ABCA13: variants seen among roughly 807,000 people sequenced by gnomAD.
ABCA13 encodes the protein ATP-binding cassette sub-family A member 13.
A neutral mutation model predicts 478.7 loss-of-function variants in ABCA13; 476 were observed. The ratio of observed to expected loss-of-function variants is 0.99; its 90% CI spans 0.92 to 1.07. The LOEUF is 1.07. ABCA13 is among the 50% of genes least tolerant of loss of function. The probability of loss-of-function intolerance (pLI) is 0.00; values close to 1 mark genes in which losing one functional copy is unlikely to be tolerated. For missense variants in ABCA13, 6,060 were observed against 5,910.6 expected (o/e 1.03, Z -0.83); for synonymous variants, 2,252 against 2,158.9 (o/e 1.04, Z -1.20).
chr7:48,433,588 A>G (rs1822437846), intron 42 of ABCA13, among the ~76,000 whole-genome samples: 1 of 151,820 alleles, frequency 6.6e-6, no homozygotes, highest in Non-Finnish European at 1.5e-5. Flanking sequence ...CATTACGCAC[A>G]TTCACATTAT....
At chr7:48,420,187 G>A (rs145095482) in intron 41 of ABCA13, among the ~76,000 whole-genome samples, 4 of 152,186 alleles carry the variant, frequency 2.6e-5, no homozygotes, top group Admixed American at 2.0e-4. Context: ...GAGCTCTTCA[G>A]CTAAAAAGCA....
At chr7:48,314,656 C>G (rs1198561834) in intron 26 of ABCA13, among the ~76,000 whole-genome samples, 1 of 152,116 alleles carries the variant, frequency 6.6e-6, no homozygotes, top group Non-Finnish European at 1.5e-5. Flanking sequence ...GTCTAAAACA[C>G]CTGAAACCCC....
intron 27 of ABCA13, among the ~76,000 whole-genome samples, chr7:48,332,595 T>C (rs1805584898): frequency 6.6e-6 from 1 of 152,066 alleles, no homozygotes; most frequent in Admixed American, 6.5e-5. Flanking sequence ...TGCTCTGTTG[T>C]TTTTTTCTTC....
chr7:48,209,108 A>G (rs1785296022), intron 3 of ABCA13, among the ~76,000 whole-genome samples: 1 of 152,116 alleles, frequency 6.6e-6, no homozygotes, highest in African/African-American at 2.4e-5. Context: ...CACATTGATT[A>G]ATTTGCATAT....
At chr7:48,454,602 G>A (rs1825431434) in intron 42 of ABCA13, among the ~76,000 whole-genome samples, 1 of 152,096 alleles carries the variant, frequency 6.6e-6, no homozygotes, top group African/African-American at 2.4e-5. Context: ...CGGGGTGCAG[G>A]GACGGTGGAA....
At chr7:48,540,856 T>C (rs936139990) in intron 55 of ABCA13, among the ~76,000 whole-genome samples, 3 of 152,108 alleles carry the variant, frequency 2.0e-5, no homozygotes, top group African/African-American at 4.8e-5. Flanking sequence ...AGAAATCACA[T>C]GCATTTTTAT....
chr7:48,525,758 G>C (rs1432786349), intron 54 of ABCA13, among the ~76,000 whole-genome samples: 1 of 141,666 alleles, frequency 7.1e-6, no homozygotes, highest in African/African-American at 2.6e-5. Context: ...TTAAGTTCTG[G>C]GATACATTTG....
Position 48,622,126 on chromosome 7 carries a change from C to T in ABCA13, c.14837+6749C>T, listed in dbSNP as rs79205951. 7.0e-3 allele frequency among the ~76,000 whole-genome samples: 1,069 copies of T among 152,244 alleles called. 12 individuals carry two copies. The highest frequency in any genetic ancestry group is 0.024 in the African/African-American group (988 of 41,530). ...TTTCAACTGGAGAAATCATCAAGTC[C>T]CTCCTTGTCCCCTCTCCAGCCTGCA... On this transcript the variant is annotated intron_variant, in intron 59 of 61. Coordinates refer to ENST00000435803, the MANE Select transcript of ABCA13 (RefSeq NM_152701.5).
chr7:48,413,582 C>G (rs559492077), intron 41 of ABCA13, among the ~76,000 whole-genome samples: 88 of 152,164 alleles, frequency 5.8e-4, no homozygotes, highest in African/African-American at 2.1e-3. Flanking sequence ...TTCAAAAAAT[C>G]AAGTGCTGCA....
chr7:48,195,415 G>A (rs1040039736), intron 2 of ABCA13, among the ~76,000 whole-genome samples: 1 of 152,196 alleles, frequency 6.6e-6, no homozygotes, highest in Non-Finnish European at 1.5e-5. Flanking sequence ...AGAGATGGTT[G>A]TGCCCTGAAG....
Position 48,644,614 on chromosome 7 carries a change from T to C in ABCA13, c.14944-3T>C. ...CTTTTTTTTTTTTTTTTTTTGCTTT[T>C]AGGGACAGCACCTGAATTTATTAGA... On this transcript the variant is annotated splice_polypyrimidine_tract_variant and splice_region_variant and intron_variant, in intron 60 of 61. Transcript: ENST00000435803. 1 of 1,593,356 alleles carries C rather than the reference T, an allele frequency of 6.3e-7. No individual in the cohort carries two copies. The highest frequency in any genetic ancestry group is 1.7e-5 in the Admixed American group (1 of 57,236).
At chr7:48,520,868 A>T (rs1214631246) in intron 53 of ABCA13, among the ~76,000 whole-genome samples, 1 of 152,194 alleles carries the variant, frequency 6.6e-6, no homozygotes, top group Admixed American at 6.5e-5. Flanking sequence ...TAATACCATA[A>T]CATTATTTTT....
Position 48,279,622 on chromosome 7 carries a change from C to T in ABCA13, c.8428C>T (p.His2810Tyr), listed in dbSNP as rs1156975423. The change falls in exon 18 of 62, where the codon CAT (histidine) becomes TAT (tyrosine). Residue 2810 changes from histidine to tyrosine, a missense_variant. Around this residue, in one of 3 missense-constraint regions of ABCA13, gnomAD observed 4,423 missense variants for 4,309.1 expected, o/e 1.03. Coordinates refer to ENST00000435803, the MANE Select transcript of ABCA13 (RefSeq NM_152701.5). ...ACCTTTGAGTCAGAATATAACTCAT[C>T]ATCAACTTGAAAAAGCAATCCATAA... Reference protein sequence around the residue: ...DTPLSQNITHHQLEKAIHNVL... With the variant: ...DTPLSQNITHYQLEKAIHNVL... The T allele has an allele frequency of 6.2e-7, 1 of 1,612,402 alleles. No individual in the cohort carries two copies. The highest frequency in any genetic ancestry group is 2.2e-5 in the East Asian group (1 of 44,780).
chr7:48,451,002 C>CTT (rs368732073), intron 42 of ABCA13, among the ~76,000 whole-genome samples: 1 of 114,220 alleles, frequency 8.8e-6, no homozygotes, highest in Non-Finnish European at 1.8e-5. Context: ...TTTTCTTTTT[C>CTT]TTTTTTTTTT....
chr7:48,509,522 G>T (rs1831497182), intron 50 of ABCA13, among the ~76,000 whole-genome samples: 1 of 152,076 alleles, frequency 6.6e-6, no homozygotes, highest in Non-Finnish European at 1.5e-5. Context: ...AGCACCCTTA[G>T]TTTATTATCT....
chr7:48,202,322 CA>C (rs970214306), intron 3 of ABCA13, among the ~76,000 whole-genome samples: 6 of 152,248 alleles, frequency 3.9e-5, no homozygotes, highest in Admixed American at 1.3e-4. Context: ...AAAGGTTCTC[CA>C]CGTCCCCATC....
At chr7:48,366,899 C>G (rs898541391) in intron 31 of ABCA13, among the ~76,000 whole-genome samples, 1 of 152,108 alleles carries the variant, frequency 6.6e-6, no homozygotes, top group African/African-American at 2.4e-5. Flanking sequence ...TTTATGTCCC[C>G]TCCCACCTTG....
chr7:48,379,920 C>T (rs1814086678), intron 35 of ABCA13, among the ~76,000 whole-genome samples: 1 of 152,192 alleles, frequency 6.6e-6, no homozygotes, highest in East Asian at 1.9e-4. Flanking sequence ...TTCTGTCTTA[C>T]AATTCTATCT....
intron 49 of ABCA13, 25 bp from the exon 50 acceptor site, chr7:48,507,847 G>A: frequency 6.4e-7 from 1 of 1,570,046 alleles, no homozygotes; most frequent in South Asian, 1.2e-5. Context: ...TCAGGTGCCT[G>A]AGAGCTGCTC....
Sources: gnomAD v4.1 joint callset for allele counts (sites outside exome capture counted in the v4.1 genomes callset) on GRCh38, gnomAD v4.1.1 for gene constraint, gnomAD v4.1.1 regional missense constraint, MANE v1.5 for transcripts, NCBI Gene and HGNC (gene_info 2026-07-23, HGNC 2026-07-21) for gene names.